Variants in AGBL4 observed in about 807,000 individuals in gnomAD.
AGBL4 encodes the protein cytosolic carboxypeptidase 6.
AGBL4 carries 58 observed loss-of-function variants against 66.4 expected under a neutral mutation model. The observed-to-expected ratio is 0.87, with a 90% CI of 0.71 to 1.09. AGBL4 has a LOEUF of 1.09. Ranked by LOEUF, AGBL4 falls within the 50% of genes least tolerant of loss-of-function variation. The pLI, the probability that AGBL4 is intolerant of heterozygous loss-of-function variation, is 0.00. For synonymous variants in AGBL4, 234 were observed against 222.9 expected (o/e 1.05, Z -0.44); for missense variants, 579 against 631.0 (o/e 0.92, Z 0.88).
At chr1:49,053,607 C>T (rs565970560) in intron 4 of AGBL4, among the ~76,000 whole-genome samples, 1 of 152,198 alleles carries the variant, frequency 6.6e-6, no homozygotes, top group South Asian at 2.1e-4. Flanking sequence ...AGCAGTCCTG[C>T]TTATAGGGAA....
At chr1:49,957,034 G>A (rs946437698) in intron 1 of AGBL4, among the ~76,000 whole-genome samples, 1 of 151,892 alleles carries the variant, frequency 6.6e-6, no homozygotes, top group Non-Finnish European at 1.5e-5. Flanking sequence ...TGGCATGAAT[G>A]TACAGCATCA....
At chr1:49,553,748 T>C (rs914080835) in intron 3 of AGBL4, among the ~76,000 whole-genome samples, 2 of 152,112 alleles carry the variant, frequency 1.3e-5, no homozygotes, top group African/African-American at 2.4e-5. Context: ...TGGGAAAAAA[T>C]TGTATTGTAT....
intron 2 of AGBL4, among the ~76,000 whole-genome samples, chr1:49,736,969 T>C (rs1181498865): frequency 6.6e-6 from 1 of 151,990 alleles, no homozygotes; most frequent in African/African-American, 2.4e-5. Context: ...TGAGATACCA[T>C]CTGACACCAG....
intron 2 of AGBL4, among the ~76,000 whole-genome samples, chr1:49,707,755 CA>C (rs1296913982): frequency 6.6e-6 from 1 of 152,032 alleles, no homozygotes; most frequent in Non-Finnish European, 1.5e-5. Context: ...CTGGTGGTGA[CA>C]AAATTCCTCA....
At chr1:49,793,045 AC>A (rs1644641151) in intron 2 of AGBL4, among the ~76,000 whole-genome samples, 3 of 152,120 alleles carry the variant, frequency 2.0e-5, no homozygotes, top group South Asian at 4.1e-4. Flanking sequence ...AATGACTACC[AC>A]CTAACCAAAC....
chr1:49,487,789 CTG>C (rs1308324833), intron 3 of AGBL4, among the ~76,000 whole-genome samples: 2 of 151,868 alleles, frequency 1.3e-5, no homozygotes, highest in African/African-American at 4.8e-5. Flanking sequence ...AGAAAAGTAA[CTG>C]TTTCAGTGGC....
intron 9 of AGBL4, among the ~76,000 whole-genome samples, chr1:48,630,472 C>T (rs1050334753): frequency 5.3e-5 from 8 of 152,178 alleles, no homozygotes; most frequent in East Asian, 1.9e-4. Context: ...CCACACTACT[C>T]GGCTGCCCAA....
At chr1:49,785,884 G>GA (rs200044395) in intron 2 of AGBL4, among the ~76,000 whole-genome samples, 5,103 of 134,160 alleles carry the variant, frequency 0.038, 318 homozygotes, top group African/African-American at 0.13. Flanking sequence ...GAAATCCCAG[G>GA]AAAAAAAAAA....
rs570948626 is a variant in AGBL4, at chr1:48,836,032, T to C, written c.634+31159A>G. Among the ~76,000 whole-genome samples, 3 of 151,990 alleles carry C rather than the reference T, an allele frequency of 2.0e-5. No individual in the cohort carries two copies. The East Asian group carries it at 5.8e-4, about 29-fold the overall frequency. ...ATGACCACATGTACTGTTTGACGAGTGGTTCCAGGGACACCAGTTAGAGGA... is the reference window on the plus strand; with the variant it reads ...ATGACCACATGTACTGTTTGACGAGCGGTTCCAGGGACACCAGTTAGAGGA... On this transcript the variant is annotated intron_variant, in intron 6 of 13. Coordinates refer to ENST00000371839, the MANE Select transcript of AGBL4 (RefSeq NM_032785.4).
intron 4 of AGBL4, among the ~76,000 whole-genome samples, chr1:49,132,660 A>C (rs1441640187): frequency 1.3e-5 from 2 of 152,146 alleles, no homozygotes; most frequent in Non-Finnish European, 2.9e-5. Flanking sequence ...TAATCTATAA[A>C]AGAAAATGCA....
rs905350759 is a variant in AGBL4 at position 49,110,939 on chromosome 1, C to T, written c.378-65139G>A. 2.6e-4 allele frequency among the ~76,000 whole-genome samples: 39 copies of T among 152,024 alleles called. 2 individuals carry two copies. The highest frequency in any genetic ancestry group is 1.4e-3 in the Admixed American group (22 of 15,256). ...ATGGAAATTTCCCAGGGTGTGATCTCCATAGAAGCCAATGTATTTTTTAAA... is the reference window on the plus strand; with the variant it reads ...ATGGAAATTTCCCAGGGTGTGATCTTCATAGAAGCCAATGTATTTTTTAAA... On this transcript the variant is annotated intron_variant, in intron 4 of 13. Transcript: ENST00000371839.
At position 49,844,897 on chromosome 1, in the gene AGBL4, C is replaced by A. The variant is rs563400701; in HGVS notation, c.157+6499G>T. ...GGCAGCCTTGATGCCTTTGAAGATG[C>A]CTGTTCAGGAGCAGTGACAGAGGAA... On this transcript the variant is annotated intron_variant, in intron 2 of 13. Coordinates refer to ENST00000371839, the MANE Select transcript of AGBL4 (RefSeq NM_032785.4). The A allele has an allele frequency of 7.2e-6, 10 of 1,387,720 alleles. No individual in the cohort carries two copies. In the South Asian group the frequency reaches 8.3e-5, roughly 11 times the overall value. 86.0% of individuals were successfully genotyped at this position (1,387,720 alleles called of 1,614,324 possible). A position where few individuals can be genotyped will look rare whatever the true frequency, so the allele number is the denominator to read the frequency against.
chr1:49,334,115 A>G (rs1006492856), intron 3 of AGBL4, among the ~76,000 whole-genome samples: 10 of 152,214 alleles, frequency 6.6e-5, no homozygotes, highest in Non-Finnish European at 1.2e-4. Context: ...AAGCTGTTAA[A>G]GTACGTTCAT....
At chr1:49,492,198 A>T (rs992308476) in intron 3 of AGBL4, among the ~76,000 whole-genome samples, 2 of 151,888 alleles carry the variant, frequency 1.3e-5, no homozygotes, top group African/African-American at 2.4e-5. Flanking sequence ...AAGGAGGATC[A>T]TCTGCTTTGG....
At chr1:49,169,639 C>G (rs940127600) in intron 4 of AGBL4, among the ~76,000 whole-genome samples, 3 of 152,174 alleles carry the variant, frequency 2.0e-5, no homozygotes, top group African/African-American at 7.2e-5. Context: ...GCAGTTATTT[C>G]CCATCCTGCT....
At chr1:49,468,618 G>A (rs1329368130) in intron 3 of AGBL4, among the ~76,000 whole-genome samples, 3 of 151,568 alleles carry the variant, frequency 2.0e-5, no homozygotes, top group South Asian at 2.1e-4. Context: ...TTTCTTTGCC[G>A]TTCGTTTAGT....
At chr1:49,170,321 A>G (rs1646713969) in intron 4 of AGBL4, among the ~76,000 whole-genome samples, 1 of 144,254 alleles carries the variant, frequency 6.9e-6, no homozygotes, top group Non-Finnish European at 1.5e-5. Context: ...ATAAATTTAT[A>G]TTCATATAAA....
chr1:49,508,460 T>C (rs921628353), intron 3 of AGBL4, among the ~76,000 whole-genome samples: 1 of 152,002 alleles, frequency 6.6e-6, no homozygotes, highest in Non-Finnish European at 1.5e-5. Flanking sequence ...TGAAATTTCA[T>C]TAACCAAAAT....
At chr1:49,210,946 A>C (rs1191288214) in intron 4 of AGBL4, among the ~76,000 whole-genome samples, 1 of 152,018 alleles carries the variant, frequency 6.6e-6, no homozygotes, top group Non-Finnish European at 1.5e-5. Flanking sequence ...ATGACCATGG[A>C]AATAGCAGCA....
Sources: gnomAD v4.1 joint callset for allele counts (sites outside exome capture counted in the v4.1 genomes callset) on GRCh38, gnomAD v4.1.1 for gene constraint, MANE v1.5 for transcripts, NCBI Gene and HGNC (gene_info 2026-07-23, HGNC 2026-07-21) for gene names.